STPG1: variants seen among roughly 807,000 people sequenced by gnomAD.
The protein encoded by STPG1 is sperm tail PG-rich repeat containing 1, also known as O(6)-methylguanine-induced apoptosis 2.
Under a neutral mutation model 40.1 loss-of-function variants are expected in STPG1, and 33 were observed. The ratio of observed to expected loss-of-function variants is 0.82; its 90% CI spans 0.62 to 1.10. STPG1 has a LOEUF of 1.10. STPG1 is among the 50% of genes least tolerant of loss of function. The pLI, the probability that STPG1 is intolerant of heterozygous loss-of-function variation, is 0.00. For synonymous variants in STPG1, 150 were observed against 155.0 expected (o/e 0.97, Z 0.24); for missense variants, 396 against 415.1 (o/e 0.95, Z 0.40).
intron 3 of STPG1, among the ~76,000 whole-genome samples, chr1:24,390,403 G>T (rs1395615123): frequency 6.6e-6 from 1 of 152,164 alleles, no homozygotes; most frequent in Non-Finnish European, 1.5e-5. Flanking sequence ...ACAGGAATAT[G>T]ATAACACATT....
intron 1 of STPG1, among the ~76,000 whole-genome samples, chr1:24,409,497 GA>G (rs1450228141): frequency 5.3e-5 from 8 of 152,176 alleles, no homozygotes; most frequent in South Asian, 2.1e-4. Flanking sequence ...TGAGTGATTA[GA>G]AAAATATTAA....
intron 4 of STPG1, among the ~76,000 whole-genome samples, chr1:24,381,270 T>C (rs768362284): frequency 1.3e-5 from 2 of 152,204 alleles, no homozygotes; most frequent in East Asian, 1.9e-4. Flanking sequence ...AACTTACATT[T>C]TGAAAATGAA....
chr1:24,398,102 C>A (rs2148710101), intron 2 of STPG1, among the ~76,000 whole-genome samples: 1 of 152,162 alleles, frequency 6.6e-6, no homozygotes, highest in African/African-American at 2.4e-5. Context: ...AATGGGAAGT[C>A]TTTTTAATCT....
At chr1:24,383,420 A>T (rs2148698620) in intron 4 of STPG1, among the ~76,000 whole-genome samples, 1 of 152,312 alleles carries the variant, frequency 6.6e-6, no homozygotes, top group South Asian at 2.1e-4. Flanking sequence ...CCTCAACAAA[A>T]ATTAAGTCCC....
At chr1:24,383,826 T>C in intron 4 of STPG1, 76 bp downstream of exon 4, 2 of 945,754 alleles carry the variant, frequency 2.1e-6, no homozygotes, top group South Asian at 2.6e-5. Context: ...GGACCAGATG[T>C]CCAATATATA....
At chr1:24,413,336 C>G (rs1218949256) in intron 1 of STPG1, among the ~76,000 whole-genome samples, 1 of 152,252 alleles carries the variant, frequency 6.6e-6, no homozygotes, top group South Asian at 2.1e-4. Flanking sequence ...GGCGTCCACC[C>G]ACTGCCAGGC....
At chr1:24,378,724 TATA>T (rs1434333335) in intron 5 of STPG1, among the ~76,000 whole-genome samples, 47 of 152,344 alleles carry the variant, frequency 3.1e-4, no homozygotes, top group African/African-American at 1.1e-3. Flanking sequence ...AAGGAAATGG[TATA>T]ATAAATGTAT....
chr1:24,364,425 T>C, intron 7 of STPG1: 1 of 1,479,434 alleles, frequency 6.8e-7, no homozygotes, highest in Non-Finnish European at 9.0e-7. Context: ...ATCTGAGAGC[T>C]CTCAGCTCAG....
intron 1 of STPG1, among the ~76,000 whole-genome samples, chr1:24,406,170 T>G (rs568622655): frequency 6.6e-6 from 1 of 152,234 alleles, no homozygotes; most frequent in South Asian, 2.1e-4. Flanking sequence ...TGCATATTAC[T>G]TATGGCCTCA....
chr1:24,370,743 G>T (rs60012384), intron 6 of STPG1, among the ~76,000 whole-genome samples: 5,999 of 151,614 alleles, frequency 0.04, 333 homozygotes, highest in African/African-American at 0.12. Flanking sequence ...CGCCTGCCTC[G>T]GCCTCCCAAA....
chr1:24,385,479 A>G (rs1487000643), intron 3 of STPG1, among the ~76,000 whole-genome samples: 1 of 152,184 alleles, frequency 6.6e-6, no homozygotes, highest in Non-Finnish European at 1.5e-5. Flanking sequence ...GCGAAGGGCT[A>G]TGGGGAGACA....
At chr1:24,372,214 A>G (rs1056755391) in intron 6 of STPG1, among the ~76,000 whole-genome samples, 1 of 152,110 alleles carries the variant, frequency 6.6e-6, no homozygotes, top group Non-Finnish European at 1.5e-5. Context: ...AAACAAAAAA[A>G]TCCAGCTGTT....
chr1:24,394,845 T>A (rs1642927837), intron 2 of STPG1, among the ~76,000 whole-genome samples: 1 of 151,978 alleles, frequency 6.6e-6, no homozygotes, highest in Non-Finnish European at 1.5e-5. Context: ...GAGCCTAATA[T>A]ATATGTAATC....
intron 3 of STPG1, among the ~76,000 whole-genome samples, chr1:24,386,260 T>C (rs1014895391): frequency 2.0e-5 from 3 of 152,256 alleles, no homozygotes; most frequent in Admixed American, 6.5e-5. Flanking sequence ...AGCTCACAAC[T>C]TTCCTGGGCT....
intron 7 of STPG1, among the ~76,000 whole-genome samples, chr1:24,367,664 G>A (rs376856852): frequency 2.6e-5 from 4 of 152,098 alleles, no homozygotes; most frequent in African/African-American, 9.6e-5. Context: ...GATTACAGGC[G>A]CCCTCCACCA....
At chr1:24,381,928 G>A (rs1642302492) in intron 4 of STPG1, among the ~76,000 whole-genome samples, 1 of 152,184 alleles carries the variant, frequency 6.6e-6, no homozygotes, top group Non-Finnish European at 1.5e-5. Flanking sequence ...CTAATAGATC[G>A]CCATCGACCA....
chr1:24,373,912 C>G, intron 5 of STPG1, 102 bp from the exon 6 acceptor site: 1 of 812,120 alleles, frequency 1.2e-6, no homozygotes, highest in East Asian at 2.5e-5. Context: ...AAAATCAAAC[C>G]GAAACCTGTC....
Position 24,359,269 on chromosome 1 carries a change from G to T in STPG1, c.929-650C>A, listed in dbSNP as rs959794635. 2.6e-5 allele frequency among the ~76,000 whole-genome samples: 4 copies of T among 152,256 alleles called. No homozygotes were observed. The highest frequency in any genetic ancestry group is 9.6e-5 in the African/African-American group (4 of 41,466). ...ATGGGTGATCAGAGCGGCAGGAGCT[G>T]CCTGTCTCTGTGTGCCAGGTGCCTA... On this transcript the variant is annotated intron_variant, in intron 8 of 8. Transcript: ENST00000337248. This position sits in a 1 kb window ranked among gnomAD's most constrained non-coding sequence, Gnocchi z 5.3.
intron 5 of STPG1, among the ~76,000 whole-genome samples, chr1:24,375,595 A>T (rs1186063082): frequency 6.6e-6 from 1 of 152,144 alleles, no homozygotes; most frequent in Non-Finnish European, 1.5e-5. Context: ...ATTACCAAGG[A>T]AGAGGACTCG....
Sources: gnomAD v4.1 joint callset for allele counts (sites outside exome capture counted in the v4.1 genomes callset) on GRCh38, gnomAD v4.1.1 for gene constraint, Gnocchi (gnomAD v3.1) non-coding constraint, MANE v1.5 for transcripts, NCBI Gene and HGNC (gene_info 2026-07-23, HGNC 2026-07-21) for gene names.